The following BTAF1 variants were observed in gnomAD, a reference collection of about 807,000 sequenced individuals.
The protein encoded by BTAF1 is B-TFIID TATA-box binding protein associated factor 1, also known as TATA-binding protein-associated factor 172.
A neutral mutation model predicts 227.1 loss-of-function variants in BTAF1; 38 were observed. The observed-to-expected ratio is 0.17, with a 90% confidence interval of 0.13 to 0.22. BTAF1 has a LOEUF of 0.22. Among genes scored for constraint, BTAF1 ranks in the 10% least tolerant of loss-of-function variants. BTAF1 has a pLI of 1.00. For synonymous variants in BTAF1, 742 were observed against 751.9 expected (o/e 0.99, Z 0.21); for missense variants, 1,598 against 2,204.0 (o/e 0.73, Z 5.51).
At chr10:91,982,891 C>A in intron 18 of BTAF1, 130 bp downstream of exon 18, 3 of 966,792 alleles carry the variant, frequency 3.1e-6, no homozygotes, top group Non-Finnish European at 4.4e-6. Context: ...GAAAAGTGTC[C>A]AAATTATATT....
At chr10:91,972,787 G>A (rs1444013813) in intron 14 of BTAF1, among the ~76,000 whole-genome samples, 1 of 152,108 alleles carries the variant, frequency 6.6e-6, no homozygotes, top group Admixed American at 6.5e-5. Context: ...TACTAATTTG[G>A]TGGCAAAACC....
intron 5 of BTAF1, among the ~76,000 whole-genome samples, chr10:91,953,155 T>A (rs947888097): frequency 1.3e-5 from 2 of 152,134 alleles, no homozygotes; most frequent in Admixed American, 1.3e-4. Flanking sequence ...AAATTTCAGT[T>A]GAATCTTTTG....
At chr10:91,987,641 C>T (rs940546045) in intron 19 of BTAF1, among the ~76,000 whole-genome samples, 1 of 152,154 alleles carries the variant, frequency 6.6e-6, no homozygotes, top group Non-Finnish European at 1.5e-5. Flanking sequence ...ACTAGCAATG[C>T]TCTTTTTGTG....
intron 1 of BTAF1, among the ~76,000 whole-genome samples, chr10:91,931,860 A>G (rs1473357939): frequency 6.6e-6 from 1 of 152,180 alleles, no homozygotes; most frequent in Non-Finnish European, 1.5e-5. Flanking sequence ...GAGAACTACG[A>G]AAGTGGCTTT....
Position 92,008,816 on chromosome 10 carries a change from TTCTC to T in BTAF1, c.3814-9_3814-6del, listed in dbSNP as rs767353223. On this transcript the variant is annotated splice_polypyrimidine_tract_variant and intron_variant, in intron 26 of 37. Coordinates refer to ENST00000265990, the MANE Select transcript of BTAF1 (RefSeq NM_003972.3). ...TATGATGTATTCACATTTATGATTTTTCTCTCTATCAGGATGGTGTGAACTGGTT... is the reference window on the plus strand; with the variant it reads ...TATGATGTATTCACATTTATGATTTTTCTATCAGGATGGTGTGAACTGGTT... The T allele has an allele frequency of 3.6e-5, 56 of 1,556,342 alleles. No homozygotes were observed. The highest frequency in any genetic ancestry group is 5.5e-5 in the African/African-American group (4 of 72,454).
chr10:92,017,895 G>A (rs891406511), intron 33 of BTAF1, among the ~76,000 whole-genome samples: 3 of 152,080 alleles, frequency 2.0e-5, no homozygotes, highest in African/African-American at 7.2e-5. Context: ...GTGTGCCAAG[G>A]CTGAGACCCA....
At chr10:91,950,600 G>A (rs1845706242) in intron 4 of BTAF1, among the ~76,000 whole-genome samples, 2 of 151,960 alleles carry the variant, frequency 1.3e-5, no homozygotes, top group Non-Finnish European at 1.5e-5. Context: ...GAAGGATTGA[G>A]GGTTTTACTT....
chr10:91,963,397 C>T (rs1356840803), intron 12 of BTAF1, among the ~76,000 whole-genome samples: 5 of 146,552 alleles, frequency 3.4e-5, no homozygotes, highest in Non-Finnish European at 7.4e-5. Context: ...CCAGCCTGGA[C>T]GACAGAGCGA....
chr10:92,008,307 C>A, intron 26 of BTAF1, 32 bp downstream of exon 26: 1 of 1,520,808 alleles, frequency 6.6e-7, no homozygotes, highest in Non-Finnish European at 8.8e-7. Flanking sequence ...GTTTTCCTTT[C>A]AAATGAACCT....
At chr10:91,991,791 G>GTATA (rs1334412931) in intron 20 of BTAF1, among the ~76,000 whole-genome samples, 2 of 68,486 alleles carry the variant, frequency 2.9e-5, no homozygotes, top group African/African-American at 2.4e-4. Flanking sequence ...GTGTGTGTGT[G>GTATA]TGTGTGTATA....
chr10:92,011,476 T>TG, intron 30 of BTAF1, 61 bp downstream of exon 30: 2 of 812,268 alleles, frequency 2.5e-6, no homozygotes, highest in Middle Eastern at 4.7e-4. Flanking sequence ...GTTTGCCAGG[T>TG]GGAGGGTAGG....
chr10:91,938,195 A>T (rs1427459248), intron 2 of BTAF1, among the ~76,000 whole-genome samples: 1 of 152,222 alleles, frequency 6.6e-6, no homozygotes, highest in Non-Finnish European at 1.5e-5. Flanking sequence ...ATAGTTCTTC[A>T]TATACAAGGT....
intron 34 of BTAF1, 118 bp from the exon 35 acceptor site, chr10:92,024,638 G>A: frequency 1.2e-6 from 1 of 868,838 alleles, no homozygotes; most frequent in Non-Finnish European, 1.7e-6. Context: ...GTGCTAATCT[G>A]CTTTCCAGAT....
chr10:91,969,620 C>T (rs1847152844), intron 14 of BTAF1, among the ~76,000 whole-genome samples: 2 of 152,112 alleles, frequency 1.3e-5, no homozygotes, highest in African/African-American at 4.8e-5. Context: ...TGTAATACCT[C>T]CTCCCTTGTT....
chr10:91,965,325 G>A (rs999232698), intron 13 of BTAF1, among the ~76,000 whole-genome samples: 1 of 152,126 alleles, frequency 6.6e-6, no homozygotes. Flanking sequence ...TTTCTGCAAA[G>A]GCCCAAATAG....
chr10:92,002,333 A>G (rs993209601), intron 25 of BTAF1, among the ~76,000 whole-genome samples: 2 of 152,182 alleles, frequency 1.3e-5, no homozygotes, highest in East Asian at 1.9e-4. Flanking sequence ...TGGAATGTCA[A>G]CCAGTGATTT....
rs1850928240 is a variant in BTAF1, at chr10:92,018,933, C to G, written c.4861C>G (p.Gln1621Glu). 1 of 1,561,976 alleles carries G rather than the reference C, an allele frequency of 6.4e-7. No individual in the cohort carries two copies. Among genetic ancestry groups the G allele is most frequent in the Non-Finnish European group, 8.6e-7 (1 of 1,158,070 alleles). ...TGCCCCTAAGCTCTCAGCTTTGAAA[C>G]AAGTATGTATGTCTTTTAAGTGTTA... is the stretch of plus-strand genomic sequence containing the variant. ...QHAPKLSALKQLLLDCGLGNG... is the reference protein window; with the variant it reads ...QHAPKLSALKELLLDCGLGNG... Residue 1621 changes from glutamine (Q) to glutamate (E), a missense_variant and splice_region_variant, in exon 34 of 38, where the codon CAA becomes GAA. By Grantham distance (29) the Gln-to-Glu change is conservative (BLOSUM62 2). Transcript: ENST00000265990.
Position 92,008,340 on chromosome 10 carries a change from G to C in BTAF1, c.3813+65G>C, listed in dbSNP as rs1850071490. 4.3e-6 allele frequency: 6 copies of C among 1,396,694 alleles called. No individual in the cohort carries two copies. In the South Asian group the frequency reaches 5.9e-5, roughly 14 times the overall value. The allele number at this position is 1,396,694 out of a possible 1,614,324, so 86.5% of individuals were successfully genotyped here. Reference sequence around the variant, plus strand: ...CCTTGAAGCGTTGTGGGTTTGTTGGGGGGGGCTTTTGTTTCTTTTTTGAGA... The same window carrying C: ...CCTTGAAGCGTTGTGGGTTTGTTGGCGGGGGCTTTTGTTTCTTTTTTGAGA... On this transcript the variant is annotated intron_variant, in intron 26 of 37. Transcript: ENST00000265990.
At chr10:91,957,961 A>G (rs1846214033) in intron 8 of BTAF1, among the ~76,000 whole-genome samples, 1 of 152,148 alleles carries the variant, frequency 6.6e-6, no homozygotes, top group African/African-American at 2.4e-5. Context: ...CCCCAGGGGT[A>G]TAGTGATGCA....
Sources: allele counts gnomAD v4.1 joint callset (sites outside exome capture counted in the v4.1 genomes callset), GRCh38; gene constraint gnomAD v4.1.1; transcripts MANE v1.5; gene names NCBI Gene and HGNC (gene_info 2026-07-23, HGNC 2026-07-21).